The following PAIP2B variants were observed in gnomAD, a reference collection of about 807,000 sequenced individuals.
PAIP2B encodes the protein poly(A) binding protein interacting protein 2B.
In PAIP2B, 13 loss-of-function variants were observed where a neutral mutation model predicts 17.0. The observed-to-expected ratio is 0.76, with a 90% CI of 0.50 to 1.22. PAIP2B has a LOEUF of 1.22. Ranked by LOEUF, PAIP2B falls within the 50% of genes most tolerant of loss-of-function variation. The pLI is 0.00. For synonymous variants in PAIP2B, 43 were observed against 48.7 expected (o/e 0.88, Z 0.48); for missense variants, 117 against 144.5 (o/e 0.81, Z 0.98).
At chr2:71,209,676 C>T (rs2103802063) in intron 1 of PAIP2B, among the ~76,000 whole-genome samples, 1 of 152,290 alleles carries the variant, frequency 6.6e-6, no homozygotes, top group East Asian at 1.9e-4. Context: ...TGGATTAATG[C>T]ATCAAACTCC....
intron 1 of PAIP2B, among the ~76,000 whole-genome samples, chr2:71,220,186 A>G (rs374019908): frequency 2.0e-5 from 3 of 152,220 alleles, no homozygotes; most frequent in South Asian, 4.1e-4. Flanking sequence ...TGAGGCCTCT[A>G]TTTAAATTAC....
chr2:71,203,243 C>T (rs1017824231), intron 1 of PAIP2B, among the ~76,000 whole-genome samples: 10 of 151,916 alleles, frequency 6.6e-5, no homozygotes, highest in African/African-American at 2.4e-4. Flanking sequence ...TACAAGATGC[C>T]CCATCATTTG....
At chr2:71,226,706 G>A (rs992494678) in intron 1 of PAIP2B, among the ~76,000 whole-genome samples, 1 of 152,174 alleles carries the variant, frequency 6.6e-6, no homozygotes, top group Non-Finnish European at 1.5e-5. Flanking sequence ...ACCCCCTATT[G>A]CTCCCGAGGG....
rs767482730 is a variant in PAIP2B, at chr2:71,188,541, A to G, written c.316-6T>C. On this transcript the variant is annotated splice_region_variant and splice_polypyrimidine_tract_variant and intron_variant, in intron 3 of 3. Transcript: ENST00000244221. The stretch of plus-strand genomic sequence containing the variant: ...GGGTTCAGGTTACTTTTGCTCTGAA[A>G]TAAGAACCAAGAGATAGTAAATCCT... The G allele has an allele frequency of 1.9e-6, 3 of 1,602,486 alleles. No homozygotes were observed. The highest frequency in any genetic ancestry group is 2.6e-6 in the Non-Finnish European group (3 of 1,173,800).
intron 1 of PAIP2B, among the ~76,000 whole-genome samples, chr2:71,225,564 C>CAA (rs746306831): frequency 6.6e-6 from 1 of 152,178 alleles, no homozygotes; most frequent in African/African-American, 2.4e-5. Context: ...CCCCGATATA[C>CAA]AAGTAGCCAG....
chr2:71,225,789 G>A (rs950690538), intron 1 of PAIP2B, among the ~76,000 whole-genome samples: 1 of 152,158 alleles, frequency 6.6e-6, no homozygotes, highest in Non-Finnish European at 1.5e-5. Context: ...GGCTAGAACC[G>A]ACATTACTAG....
intron 2 of PAIP2B, among the ~76,000 whole-genome samples, chr2:71,198,575 G>A (rs927716618): frequency 7.2e-5 from 11 of 152,004 alleles, no homozygotes; most frequent in South Asian, 2.1e-4. Flanking sequence ...GTGAGCCACC[G>A]CGCCCAGCCG....
intron 1 of PAIP2B, among the ~76,000 whole-genome samples, chr2:71,222,419 C>T (rs962597622): frequency 1.3e-5 from 2 of 152,174 alleles, no homozygotes; most frequent in African/African-American, 4.8e-5. Flanking sequence ...TAGTAGGGGC[C>T]TTCTGTTTTT....
At chr2:71,221,272 A>G (rs568680196) in intron 1 of PAIP2B, among the ~76,000 whole-genome samples, 11 of 152,396 alleles carry the variant, frequency 7.2e-5, no homozygotes, top group African/African-American at 2.6e-4. Context: ...CAAACAGCAC[A>G]TAAGTAAACT....
chr2:71,214,511 C>A (rs1049659244), intron 1 of PAIP2B, among the ~76,000 whole-genome samples: 2 of 152,142 alleles, frequency 1.3e-5, no homozygotes, highest in Non-Finnish European at 2.9e-5. Context: ...GGATGAGAAA[C>A]CAAACCTCCA....
At chr2:71,216,234 AG>A (rs575936206) in intron 1 of PAIP2B, among the ~76,000 whole-genome samples, 231 of 152,342 alleles carry the variant, frequency 1.5e-3, no homozygotes, top group Non-Finnish European at 2.8e-3. Context: ...AAAAAATACA[AG>A]GCCCTTCTAA....
chr2:71,202,485 C>G lies in PAIP2B; in HGVS notation c.105G>C (p.Met35Ile), dbSNP rs984710491. 5 of 1,613,930 alleles carry G rather than the reference C, an allele frequency of 3.1e-6. No individual in the cohort carries two copies. In the African/African-American group the frequency reaches 6.7e-5, roughly 22 times the overall value. ...DEKENPFAEYMWMENEEDFNR... is the reference protein window; with the variant it reads ...DEKENPFAEYIWMENEEDFNR... The stretch of plus-strand genomic sequence containing the variant: ...TGAAATCCTCTTCATTCTCCATCCA[C>G]ATGTACTCTGCAAATGGGTTTTCCT... Residue 35 changes from methionine to isoleucine, a missense_variant, in exon 2 of 4, where the codon ATG becomes ATC. Transcript: ENST00000244221.
Position 71,217,639 on chromosome 2 carries a change from T to C in PAIP2B, c.-12+9289A>G, listed in dbSNP as rs147536673. 6.9e-3 allele frequency among the ~76,000 whole-genome samples: 1,057 copies of C among 152,322 alleles called. 16 individuals are homozygous for C. The highest frequency in any genetic ancestry group is 0.022 in the African/African-American group (898 of 41,558). On this transcript the variant is annotated intron_variant, in intron 1 of 3. Transcript: ENST00000244221. ...AGGCACATTGTGTTACCTGCAAAGATGCAGAACTAAACAGTTCCATCTGTT... is the reference window on the plus strand; with the variant it reads ...AGGCACATTGTGTTACCTGCAAAGACGCAGAACTAAACAGTTCCATCTGTT...
In PAIP2B at chr2:71,188,554, G is replaced by T; in HGVS notation, c.316-19C>A. 1 of 1,593,188 alleles carries T rather than the reference G, an allele frequency of 6.3e-7. No individual in the cohort carries two copies. Among genetic ancestry groups the T allele is most frequent in the Non-Finnish European group, 8.6e-7 (1 of 1,167,460 alleles). On this transcript the variant is annotated intron_variant, in intron 3 of 3. Coordinates refer to ENST00000244221, the MANE Select transcript of PAIP2B (RefSeq NM_020459.1). ...TTTTGCTCTGAAATAAGAACCAAGA[G>T]ATAGTAAATCCTAAGGCAAGCTGCA...
At chr2:71,217,401 C>T (rs1675456249) in intron 1 of PAIP2B, among the ~76,000 whole-genome samples, 1 of 152,204 alleles carries the variant, frequency 6.6e-6, no homozygotes, top group African/African-American at 2.4e-5. Context: ...CCTGGGCCTC[C>T]CACAGTGCTG....
chr2:71,215,779 TTGTC>T (rs1281612088), intron 1 of PAIP2B, among the ~76,000 whole-genome samples: 10 of 152,364 alleles, frequency 6.6e-5, no homozygotes, highest in East Asian at 3.9e-4. Context: ...ACAGATATCT[TTGTC>T]TGTGCTGACA....
At chr2:71,197,197 A>G (rs1375744204) in intron 2 of PAIP2B, among the ~76,000 whole-genome samples, 1 of 152,170 alleles carries the variant, frequency 6.6e-6, no homozygotes, top group Non-Finnish European at 1.5e-5. Flanking sequence ...GGTCTCCTGT[A>G]AGGCAAGTTT....
chr2:71,194,868 C>T (rs1674777333), intron 2 of PAIP2B, among the ~76,000 whole-genome samples: 1 of 152,120 alleles, frequency 6.6e-6, no homozygotes, highest in Admixed American at 6.5e-5. Context: ...GTGGGTTTGT[C>T]ATAGATGACT....
intron 1 of PAIP2B, among the ~76,000 whole-genome samples, chr2:71,205,822 C>T (rs557574156): frequency 6.6e-6 from 1 of 152,250 alleles, no homozygotes; most frequent in African/African-American, 2.4e-5. Flanking sequence ...GGGAGGAATG[C>T]TTGGTTACAT....
Sources: gnomAD v4.1 joint callset for allele counts (sites outside exome capture counted in the v4.1 genomes callset) on GRCh38, gnomAD v4.1.1 for gene constraint, MANE v1.5 for transcripts, NCBI Gene and HGNC (gene_info 2026-07-23, HGNC 2026-07-21) for gene names.